Variants in EFHC2 observed in about 807,000 individuals in gnomAD.
EFHC2 encodes the protein EF-hand domain-containing family member C2.
EFHC2 carries 18 observed loss-of-function variants against 52.7 expected under a neutral mutation model. The ratio of observed to expected loss-of-function variants is 0.34; its 90% CI spans 0.24 to 0.51. The LOEUF is 0.51. Among genes scored for constraint, EFHC2 ranks in the 20% least tolerant of loss-of-function variants. The pLI, the probability that EFHC2 is intolerant of heterozygous loss-of-function variation, is 0.97. For missense variants in EFHC2, 513 were observed against 562.5 expected, an observed-to-expected ratio of 0.91 and a Z score of 0.89; for synonymous variants, 203 against 204.1, an observed-to-expected ratio of 0.99 and a Z score of 0.04.
intron 2 of EFHC2, chrX:44,309,350 T>C: frequency 1.3e-6 from 1 of 781,642 alleles, no homozygotes. Flanking sequence ...AATTCTCTTT[T>C]GGACTTGACA....
intron 11 of EFHC2, among the ~76,000 whole-genome samples, chrX:44,190,934 G>C (rs994571266): frequency 3.6e-5 from 4 of 111,527 alleles, no homozygotes; most frequent in Non-Finnish European, 7.5e-5. Flanking sequence ...GAGCTGCTGG[G>C]ACAGGCTCCA....
chrX:44,168,571 A>C (rs1174919165), intron 13 of EFHC2, among the ~76,000 whole-genome samples: 1 of 110,719 alleles, frequency 9.0e-6, no homozygotes, highest in Non-Finnish European at 1.9e-5. Flanking sequence ...GCAACTGAAC[A>C]GCCAAGTATC....
At chrX:44,187,135 G>GTGTATATATATA (rs1556001678) in intron 11 of EFHC2, among the ~76,000 whole-genome samples, 5 of 61,749 alleles carry the variant, frequency 8.1e-5, no homozygotes, top group African/African-American at 4.1e-4. Context: ...AAACAAAATG[G>GTGTATATATATA]TATATATATA....
chrX:44,237,182 G>A (rs1312581156), intron 8 of EFHC2, among the ~76,000 whole-genome samples: 1 of 110,669 alleles, frequency 9.0e-6, no homozygotes, highest in African/African-American at 3.3e-5. Flanking sequence ...AGATATGGGG[G>A]GATTCAGTAG....
intron 1 of EFHC2, among the ~76,000 whole-genome samples, chrX:44,322,239 T>C (rs2147389960): frequency 8.9e-6 from 1 of 112,427 alleles, no homozygotes; most frequent in African/African-American, 3.2e-5. Flanking sequence ...GCCATCACTG[T>C]ACTCACCATA....
At chrX:44,249,524 A>G (rs760844480) in intron 5 of EFHC2, among the ~76,000 whole-genome samples, 21 of 110,218 alleles carry the variant, frequency 1.9e-4, no homozygotes, top group African/African-American at 6.6e-4. Context: ...TGCCCAAGGT[A>G]ACACAGCTAT....
chrX:44,300,603 C>T (rs2037861319), intron 2 of EFHC2, among the ~76,000 whole-genome samples: 2 of 112,077 alleles, frequency 1.8e-5, no homozygotes, highest in South Asian at 3.8e-4. Context: ...AAACTAACTT[C>T]AGGAGGAACT....
chrX:44,319,127 C>T lies in EFHC2; in HGVS notation c.43-6371G>A, dbSNP rs575238171. Among the ~76,000 whole-genome samples, 28 of 109,056 alleles carry T rather than the reference C, an allele frequency of 2.6e-4. No homozygotes were observed. In the South Asian group the frequency reaches 9.4e-3, roughly 37 times the overall value. 94.7% of individuals were successfully genotyped at this position (109,056 alleles called of 115,157 possible). ...CAAGCAATTCTCCTGCCTCAGCCTC[C>T]CAAGTAGCTGGGATTACAGGTGCCC... On this transcript the variant is annotated intron_variant, in intron 1 of 14. Coordinates refer to ENST00000420999, the MANE Select transcript of EFHC2 (RefSeq NM_025184.4).
At chrX:44,338,203 A>T (rs1186844391) in intron 1 of EFHC2, among the ~76,000 whole-genome samples, 1 of 111,946 alleles carries the variant, frequency 8.9e-6, no homozygotes, top group Non-Finnish European at 1.9e-5. Context: ...AAATTTAAAA[A>T]TATACATTAA....
In EFHC2 at chrX:44,168,981, A is replaced by AG. The variant is rs1365396538; in HGVS notation, c.2043-4955_2043-4954insC. ...TAAAGACAGAAGCCAAAACAGCAAC[A>AG]CAAAAAAAAACAAAAAACAAAAGGA... On this transcript the variant is annotated intron_variant, in intron 13 of 14. Transcript: ENST00000420999. 3.8e-3 allele frequency among the ~76,000 whole-genome samples: 409 copies of AG among 107,835 alleles called. 1 individual carries two copies. The highest frequency in any genetic ancestry group is 0.012 in the African/African-American group (353 of 29,603). 93.6% of individuals were successfully genotyped at this position (107,835 alleles called of 115,157 possible). A position where few individuals can be genotyped will look rare whatever the true frequency, so the allele number is the denominator to read the frequency against.
At chrX:44,219,950 T>C (rs1025993638) in intron 11 of EFHC2, among the ~76,000 whole-genome samples, 2 of 111,667 alleles carry the variant, frequency 1.8e-5, no homozygotes, top group Non-Finnish European at 3.8e-5. Context: ...AAAATGTTCT[T>C]TCTGAAAAAC....
chrX:44,301,230 C>T (rs1192201821), intron 2 of EFHC2, among the ~76,000 whole-genome samples: 1 of 109,869 alleles, frequency 9.1e-6, no homozygotes, highest in East Asian at 2.8e-4. Context: ...GGCCTTGTGG[C>T]CCCCACCCAG....
chrX:44,284,538 A>T (rs758534934), intron 2 of EFHC2: 5 of 111,124 alleles, frequency 4.5e-5, no homozygotes, highest in Non-Finnish European at 7.5e-5. Flanking sequence ...TCACAATCAG[A>T]CCTAGGAGAG....
intron 11 of EFHC2, among the ~76,000 whole-genome samples, chrX:44,228,596 CAAT>C (rs2037250708): frequency 8.9e-6 from 1 of 111,935 alleles, no homozygotes; most frequent in Non-Finnish European, 1.9e-5. Context: ...GAATTCTAAA[CAAT>C]AAAAATATGT....
intron 2 of EFHC2, among the ~76,000 whole-genome samples, chrX:44,290,898 T>C (rs2037788393): frequency 1.8e-5 from 2 of 111,268 alleles, no homozygotes; most frequent in African/African-American, 3.3e-5. Context: ...AAGCCATCAA[T>C]AGTTGTGAAA....
At chrX:44,309,059 C>G (rs747977138) in intron 2 of EFHC2, among the ~76,000 whole-genome samples, 11 of 112,828 alleles carry the variant, frequency 9.7e-5, no homozygotes, top group African/African-American at 3.5e-4. Flanking sequence ...ACTAGAGGGT[C>G]AACCCTCACT....
chrX:44,310,278 AC>A, intron 2 of EFHC2: 2 of 863,348 alleles, frequency 2.3e-6, no homozygotes, highest in African/African-American at 2.7e-5. Context: ...CTCATCCTCC[AC>A]GCCGGGGGCA....
intron 11 of EFHC2, among the ~76,000 whole-genome samples, chrX:44,199,370 G>T (rs1170044058): frequency 8.9e-6 from 1 of 112,943 alleles, no homozygotes. Flanking sequence ...ACAGTCTGAA[G>T]ATCCATAATC....
intron 2 of EFHC2, among the ~76,000 whole-genome samples, chrX:44,290,324 A>G (rs1249942226): frequency 9.0e-6 from 1 of 111,634 alleles, no homozygotes; most frequent in East Asian, 2.8e-4. Context: ...AGTCTCATTC[A>G]ATAATATTTT....
Sources: gnomAD v4.1 joint callset for allele counts (sites outside exome capture counted in the v4.1 genomes callset) on GRCh38, gnomAD v4.1.1 for gene constraint, MANE v1.5 for transcripts, NCBI Gene and HGNC (gene_info 2026-07-23, HGNC 2026-07-21) for gene names.